Variants in GDPD1 observed in about 807,000 individuals in gnomAD.
The protein encoded by GDPD1 is glycerophosphodiester phosphodiesterase domain containing 1, also known as lysophospholipase D GDPD1.
In GDPD1, 28 loss-of-function variants were observed where a neutral mutation model predicts 45.1. The ratio of observed to expected loss-of-function variants is 0.62; its 90% confidence interval spans 0.46 to 0.85. The LOEUF (loss-of-function observed/expected upper bound fraction) is 0.85, where lower values mean the gene tolerates loss of function less well. Ranked by LOEUF, GDPD1 falls within the 40% of genes least tolerant of loss-of-function variation. The pLI is 0.00. For synonymous variants in GDPD1, 139 were observed against 131.4 expected, an observed-to-expected ratio of 1.06 and a Z score of -0.40; for missense variants, 256 against 364.8, an observed-to-expected ratio of 0.70 and a Z score of 2.43.
chr17:59,246,363 A>G (rs1261329155), intron 3 of GDPD1, among the ~76,000 whole-genome samples: 3 of 152,004 alleles, frequency 2.0e-5, no homozygotes, highest in Admixed American at 6.6e-5. Flanking sequence ...TCACACCTGT[A>G]ATCTCAGTAC....
At chr17:59,223,334 A>G (rs1256388837) in intron 1 of GDPD1, among the ~76,000 whole-genome samples, 2 of 152,290 alleles carry the variant, frequency 1.3e-5, no homozygotes, top group Non-Finnish European at 2.9e-5. Flanking sequence ...TAATGGTCCT[A>G]TAAACACTGT....
Position 59,275,771 on chromosome 17 carries a change from T to C in GDPD1, c.*1998T>C, listed in dbSNP as rs1403768198. ...CGTGTACATCTGTTTCTAATATATT[T>C]GACTAATTTTCATGATCTCAGATTG... On this transcript the variant is annotated 3_prime_UTR_variant, in exon 10 of 10. Coordinates refer to ENST00000284116, the MANE Select transcript of GDPD1 (RefSeq NM_182569.4). The C allele has an allele frequency of 6.6e-6, 1 of 152,342 alleles. No individual in the cohort carries two copies. The highest frequency in any genetic ancestry group is 1.5e-5 in the Non-Finnish European group (1 of 68,122). The allele number at this position is 152,342 out of a possible 1,614,324, so 9.4% of individuals were successfully genotyped here. A position where few individuals can be genotyped will look rare whatever the true frequency, so the allele number is the denominator to read the frequency against.
At position 59,221,315 on chromosome 17, in the gene GDPD1, G is replaced by A. The variant is rs1399462573; in HGVS notation, c.142+564G>A. 2.0e-5 allele frequency among the ~76,000 whole-genome samples: 3 copies of A among 151,966 alleles called. No homozygotes were observed. The South Asian group carries it at 6.2e-4, about 32-fold the overall frequency. Reference sequence around the variant, plus strand: ...TCATAATTGAGAAGAGAGGGAAACCGAGTCCCCCGAGCCAGGGACATTTCC... The same window carrying A: ...TCATAATTGAGAAGAGAGGGAAACCAAGTCCCCCGAGCCAGGGACATTTCC... On this transcript the variant is annotated intron_variant, in intron 1 of 9. Coordinates refer to ENST00000284116, the MANE Select transcript of GDPD1 (RefSeq NM_182569.4).
intron 2 of GDPD1, among the ~76,000 whole-genome samples, chr17:59,235,547 CA>C (rs2047125028): frequency 6.6e-6 from 1 of 152,126 alleles, no homozygotes; most frequent in Non-Finnish European, 1.5e-5. Flanking sequence ...CATGGTGGCT[CA>C]CACCTGTAAT....
chr17:59,261,361 T>G (rs572671104), intron 6 of GDPD1, among the ~76,000 whole-genome samples: 1 of 152,248 alleles, frequency 6.6e-6, no homozygotes, highest in Non-Finnish European at 1.5e-5. Context: ...ACTGAGTGGC[T>G]TTAGATTCCT....
chr17:59,264,234 A>G (rs1446290166), intron 6 of GDPD1, among the ~76,000 whole-genome samples: 1 of 151,948 alleles, frequency 6.6e-6, no homozygotes, highest in African/African-American at 2.4e-5. Flanking sequence ...TCCTGACCTC[A>G]GATGATCCAC....
At chr17:59,273,386 C>T (rs967047890) in intron 9 of GDPD1, among the ~76,000 whole-genome samples, 2 of 152,074 alleles carry the variant, frequency 1.3e-5, no homozygotes, top group African/African-American at 4.8e-5. Context: ...CCTTGGCCTC[C>T]CAAAGTGCTG....
chr17:59,223,918 C>G (rs1181278774), intron 1 of GDPD1, among the ~76,000 whole-genome samples: 10 of 152,020 alleles, frequency 6.6e-5, no homozygotes, highest in Admixed American at 6.6e-4. Context: ...CAGGGCACTC[C>G]GAGGGGTTGA....
At chr17:59,233,241 C>T (rs1320613141) in intron 1 of GDPD1, among the ~76,000 whole-genome samples, 3 of 151,504 alleles carry the variant, frequency 2.0e-5, no homozygotes, top group African/African-American at 7.3e-5. Context: ...AGGCCGGGCG[C>T]GGTGGCTCAC....
chr17:59,224,887 C>T (rs1178608512), intron 1 of GDPD1, among the ~76,000 whole-genome samples: 1 of 152,034 alleles, frequency 6.6e-6, no homozygotes. Flanking sequence ...AGACTCATTT[C>T]CAACTACATA....
At chr17:59,258,227 C>G (rs959368090) in intron 6 of GDPD1, among the ~76,000 whole-genome samples, 1 of 150,838 alleles carries the variant, frequency 6.6e-6, no homozygotes, top group Non-Finnish European at 1.5e-5. Flanking sequence ...GTGCCTGGCC[C>G]TTATTACAGT....
rs145750503 is a variant in GDPD1 at position 59,269,219 on chromosome 17, C to T, written c.711-1717C>T. Among the ~76,000 whole-genome samples the T allele has an allele frequency of 6.7e-3, 1,021 of 151,966 alleles. 8 individuals are homozygous for T. Among genetic ancestry groups the T allele is most frequent in the African/African-American group, 0.023 (962 of 41,440 alleles). On this transcript the variant is annotated intron_variant, in intron 7 of 9. Coordinates refer to ENST00000284116, the MANE Select transcript of GDPD1 (RefSeq NM_182569.4). ...GGCTGAGGCAAGAGAGTCGCTTGAA[C>T]CCCAGAGGTGGAGGTTGCAGTGAGT... is the stretch of plus-strand genomic sequence containing the variant.
At chr17:59,263,483 C>CTTTCCTTTTTTTTT (rs2047374163) in intron 6 of GDPD1, among the ~76,000 whole-genome samples, 1 of 120,320 alleles carries the variant, frequency 8.3e-6, no homozygotes, top group African/African-American at 3.1e-5. Context: ...TTTTCCTTTC[C>CTTTCCTTTTTTTTT]TTTTTTTTTT....
At chr17:59,246,729 AAAAGAAACATTATAAG>A (rs2047214939) in intron 3 of GDPD1, among the ~76,000 whole-genome samples, 2 of 150,178 alleles carry the variant, frequency 1.3e-5, no homozygotes, top group African/African-American at 2.4e-5. Context: ...AAAAAAAAAA[AAAAGAAACATTATAAG>A]AAAAAAAGAA....
rs1306292256 is a variant in GDPD1 at position 59,269,508 on chromosome 17, G to A, written c.711-1428G>A. ...CCCCAAAAAACACCCTATTTTATTT[G>A]CTAGATTAAAATGATCCCTAAACAT... On this transcript the variant is annotated intron_variant, in intron 7 of 9. Transcript: ENST00000284116. 2.1e-4 allele frequency among the ~76,000 whole-genome samples: 29 copies of A among 136,948 alleles called. No individual in the cohort carries two copies. In the Admixed American group the frequency reaches 2.3e-3, roughly 11 times the overall value. The allele number at this position is 136,948 out of a possible 152,430, so 89.8% of individuals were successfully genotyped here.
At chr17:59,231,528 A>C (rs569411629) in intron 1 of GDPD1, among the ~76,000 whole-genome samples, 1 of 151,676 alleles carries the variant, frequency 6.6e-6, no homozygotes, top group Non-Finnish European at 1.5e-5. Context: ...GGGTTTCACC[A>C]TGTTAGCCAG....
chr17:59,221,562 A>C (rs1373913009), intron 1 of GDPD1, among the ~76,000 whole-genome samples: 1 of 152,150 alleles, frequency 6.6e-6, no homozygotes, highest in Non-Finnish European at 1.5e-5. Flanking sequence ...AAACAAAAAT[A>C]AGTTTCTTTT....
intron 4 of GDPD1, among the ~76,000 whole-genome samples, chr17:59,252,059 T>C (rs866966738): frequency 3.2e-4 from 46 of 142,144 alleles, no homozygotes; most frequent in Middle Eastern, 3.8e-3. Context: ...AGTCAAAAAG[T>C]GGTTCCGTTT....
At chr17:59,259,886 C>G (rs1238722948) in intron 6 of GDPD1, among the ~76,000 whole-genome samples, 4 of 150,446 alleles carry the variant, frequency 2.7e-5, no homozygotes, top group African/African-American at 9.8e-5. Flanking sequence ...CATGAGGAAA[C>G]CCCATCTCTA....
Sources: allele counts gnomAD v4.1 joint callset (sites outside exome capture counted in the v4.1 genomes callset), GRCh38; gene constraint gnomAD v4.1.1; transcripts MANE v1.5; gene names NCBI Gene and HGNC (gene_info 2026-07-23, HGNC 2026-07-21).